The following PREP variants were observed in gnomAD, a reference collection of about 807,000 sequenced individuals.
The protein encoded by PREP is dJ355L5.1 (prolyl endopeptidase).
A neutral mutation model predicts 87.6 loss-of-function variants in PREP; 29 were observed. The ratio of observed to expected loss-of-function variants is 0.33; its 90% CI spans 0.25 to 0.45. The LOEUF is 0.45. PREP is among the 20% of genes least tolerant of loss of function. The pLI, the probability that PREP is intolerant of heterozygous loss-of-function variation, is 1.00. For synonymous variants in PREP, 337 were observed against 328.6 expected, an observed-to-expected ratio of 1.03 and a Z score of -0.28; for missense variants, 695 against 886.5, an observed-to-expected ratio of 0.78 and a Z score of 2.74.
At chr6:105,386,619 C>T (rs1234946714) in intron 2 of PREP, among the ~76,000 whole-genome samples, 1 of 152,160 alleles carries the variant, frequency 6.6e-6, no homozygotes, top group Non-Finnish European at 1.5e-5. Flanking sequence ...TCTATTAGAA[C>T]TTAGCTGCTT....
At chr6:105,314,067 A>G (rs1770812056) in intron 10 of PREP, among the ~76,000 whole-genome samples, 1 of 152,248 alleles carries the variant, frequency 6.6e-6, no homozygotes, top group East Asian at 1.9e-4. Context: ...CTGGTTTCCC[A>G]GTACATATAA....
chr6:105,345,557 A>G (rs1465879114), intron 7 of PREP, among the ~76,000 whole-genome samples: 1 of 152,196 alleles, frequency 6.6e-6, no homozygotes, highest in East Asian at 1.9e-4. Flanking sequence ...CTCCCTAATA[A>G]TGGCAGCTAA....
intron 1 of PREP, 39 bp downstream of exon 1, chr6:105,402,808 T>C: frequency 2.6e-6 from 4 of 1,524,284 alleles, no homozygotes; most frequent in Non-Finnish European, 2.7e-6. Context: ...CTGGGCACCT[T>C]TGCCCGGGAG....
At chr6:105,303,276 G>A (rs1246971052) in intron 10 of PREP, among the ~76,000 whole-genome samples, 2 of 152,034 alleles carry the variant, frequency 1.3e-5, no homozygotes, top group African/African-American at 2.4e-5. Flanking sequence ...CGTTGTCCAG[G>A]ATGGTCTCAA....
At chr6:105,317,846 G>A (rs1770915288) in intron 10 of PREP, among the ~76,000 whole-genome samples, 1 of 152,208 alleles carries the variant, frequency 6.6e-6, no homozygotes, top group Non-Finnish European at 1.5e-5. Context: ...CTTGCATCAC[G>A]CTTCATGTTC....
intron 7 of PREP, among the ~76,000 whole-genome samples, chr6:105,343,754 A>G (rs1037958531): frequency 1.3e-5 from 2 of 152,254 alleles, no homozygotes; most frequent in African/African-American, 4.8e-5. Flanking sequence ...TATGCAGCCA[A>G]AAGACGCATG....
intron 4 of PREP, among the ~76,000 whole-genome samples, chr6:105,373,938 T>C (rs1408493888): frequency 6.6e-6 from 1 of 152,202 alleles, no homozygotes; most frequent in Non-Finnish European, 1.5e-5. Context: ...CTAAAGGGAA[T>C]AAGGAGAAAA....
intron 2 of PREP, among the ~76,000 whole-genome samples, chr6:105,386,163 T>C (rs1772990837): frequency 6.6e-6 from 1 of 152,066 alleles, no homozygotes; most frequent in South Asian, 2.1e-4. Context: ...TCTAATAAAA[T>C]TGTGGAGCTA....
intron 13 of PREP, among the ~76,000 whole-genome samples, chr6:105,282,154 A>C (rs1770096643): frequency 2.0e-5 from 3 of 152,144 alleles, no homozygotes; most frequent in Non-Finnish European, 4.4e-5. Context: ...GAAAAGCTTG[A>C]GGACTTTCTG....
chr6:105,338,246 G>A (rs1007167236), intron 7 of PREP, among the ~76,000 whole-genome samples: 1 of 152,072 alleles, frequency 6.6e-6, no homozygotes, highest in African/African-American at 2.4e-5. Flanking sequence ...CCACCTTATG[G>A]TTTCTGCCTG....
chr6:105,353,177 G>A (rs1772003096), intron 6 of PREP, 100 bp from the exon 7 acceptor site: 1 of 930,682 alleles, frequency 1.1e-6, no homozygotes, highest in Non-Finnish European at 1.6e-6. Context: ...AATTTTCAAA[G>A]GCAGTGTCTC....
chr6:105,352,738 CA>C (rs1185746878), intron 7 of PREP, among the ~76,000 whole-genome samples: 1 of 152,160 alleles, frequency 6.6e-6, no homozygotes, highest in African/African-American at 2.4e-5. Flanking sequence ...GATATTTTCA[CA>C]CTATGTGCAG....
At chr6:105,286,800 C>T (rs1462456234) in intron 11 of PREP, among the ~76,000 whole-genome samples, 2 of 18,324 alleles carry the variant, frequency 1.1e-4, no homozygotes, top group African/African-American at 2.3e-4. Flanking sequence ...TTTCATGCAT[C>T]TCTGATGGTC....
At position 105,278,244 on chromosome 6, in the gene PREP, G is replaced by A. The variant is rs769833931; in HGVS notation, c.2033C>T (p.Ala678Val). ...TGTGGGCTTCCCCGCCCCGTGGCCCGCCTTGGTGTCCACGTGGATAAGCAG... is the reference window on the plus strand; with the variant it reads ...TGTGGGCTTCCCCGCCCCGTGGCCCACCTTGGTGTCCACGTGGATAAGCAG... Reference protein sequence around the residue: ...NPLLIHVDTKAGHGAGKPTAK... With the variant: ...NPLLIHVDTKVGHGAGKPTAK... The change falls in exon 15 of 15, where the codon GCG (alanine) becomes GTG (valine). Residue 678 changes from alanine to valine, a missense_variant. By Grantham distance (64) the Ala-to-Val change is moderately conservative (BLOSUM62 0). This residue lies in a region of PREP where 121 missense variants were observed against 154.8 expected (regional missense o/e 0.78). Coordinates refer to ENST00000652536, the MANE Select transcript of PREP (RefSeq NM_002726.5). This position sits in a 1 kb window ranked among gnomAD's most constrained non-coding sequence, Gnocchi z 4.2. 73 of 1,614,074 alleles carry A rather than the reference G, an allele frequency of 4.5e-5. No individual in the cohort carries two copies. Among genetic ancestry groups the A allele is most frequent in the Non-Finnish European group, 5.7e-5 (67 of 1,180,038 alleles).
At chr6:105,297,943 G>T (rs575227611) in intron 10 of PREP, among the ~76,000 whole-genome samples, 3 of 152,300 alleles carry the variant, frequency 2.0e-5, no homozygotes, top group Admixed American at 2.0e-4. Context: ...AGAGTACATC[G>T]ATATGAAGCC....
intron 10 of PREP, chr6:105,322,189 C>T (rs1562198901): frequency 5.1e-6 from 3 of 584,348 alleles, no homozygotes; most frequent in Non-Finnish European, 6.4e-6. Flanking sequence ...ACAGGGGCTA[C>T]AGGCCCCTAC....
intron 1 of PREP, among the ~76,000 whole-genome samples, chr6:105,399,516 A>G (rs1347291640): frequency 6.6e-6 from 1 of 152,204 alleles, no homozygotes; most frequent in African/African-American, 2.4e-5. Flanking sequence ...AAGGGACGTA[A>G]AAACAAGAGC....
chr6:105,293,885 C>G (rs943247759), intron 10 of PREP, among the ~76,000 whole-genome samples: 2 of 152,200 alleles, frequency 1.3e-5, no homozygotes, highest in Non-Finnish European at 2.9e-5. Flanking sequence ...TAGGCATTTT[C>G]CATCACGTAC....
chr6:105,378,331 T>C (rs1772746237), intron 2 of PREP, among the ~76,000 whole-genome samples: 1 of 152,004 alleles, frequency 6.6e-6, no homozygotes, highest in South Asian at 2.1e-4. Context: ...TGGTGGTGGG[T>C]GCCTGTAATT....
Sources: gnomAD v4.1 joint callset for allele counts (sites outside exome capture counted in the v4.1 genomes callset) on GRCh38, gnomAD v4.1.1 for gene constraint, gnomAD v4.1.1 regional missense constraint, Gnocchi (gnomAD v3.1) non-coding constraint, MANE v1.5 for transcripts, NCBI Gene and HGNC (gene_info 2026-07-23, HGNC 2026-07-21) for gene names.